TDRD1: variants seen among roughly 807,000 people sequenced by gnomAD.
TDRD1 encodes tudor domain-containing protein 1.
A neutral mutation model predicts 140.6 loss-of-function variants in TDRD1; 37 were observed. The ratio of observed to expected loss-of-function variants is 0.26; its 90% confidence interval spans 0.20 to 0.35. The LOEUF (loss-of-function observed/expected upper bound fraction) is 0.35. Ranked by LOEUF, TDRD1 falls within the 10% of genes least tolerant of loss-of-function variation. TDRD1 has a pLI of 1.00. For missense variants in TDRD1, 1,243 were observed against 1,393.0 expected, an observed-to-expected ratio of 0.89 and a Z score of 1.71; for synonymous variants, 506 against 475.7, an observed-to-expected ratio of 1.06 and a Z score of -0.83.
intron 1 of TDRD1, among the ~76,000 whole-genome samples, chr10:114,184,144 G>A (rs2033327071): frequency 6.6e-6 from 1 of 151,454 alleles, no homozygotes; most frequent in Non-Finnish European, 1.5e-5. Flanking sequence ...CCACTAGGCA[G>A]AAAATGCATA....
intron 4 of TDRD1, 146 bp from the exon 5 acceptor site, chr10:114,201,264 C>T: frequency 3.2e-6 from 2 of 632,350 alleles, no homozygotes; most frequent in Admixed American, 5.6e-5. Flanking sequence ...TCTCTGTATT[C>T]TCAGAGTTTA....
chr10:114,206,355 G>T, intron 11 of TDRD1, 25 bp downstream of exon 11: 1 of 1,582,366 alleles, frequency 6.3e-7, no homozygotes, highest in Non-Finnish European at 8.7e-7. Flanking sequence ...ATATTGAACG[G>T]TATAGCGACT....
intron 17 of TDRD1, 22 bp from the exon 18 acceptor site, chr10:114,218,392 A>G: frequency 2.7e-6 from 4 of 1,489,402 alleles, no homozygotes; most frequent in Non-Finnish European, 3.6e-6. Context: ...GTTCCATGTC[A>G]CAAACTGTGT....
chr10:114,231,579 T>G, exon 26 of TDRD1: 1 of 1,362,316 alleles, frequency 7.3e-7, no homozygotes, highest in Non-Finnish European at 1.0e-6. Flanking sequence ...TTTTTATTTA[T>G]GAGAACCTTT....
chr10:114,217,306 G>C (rs10159905), intron 16 of TDRD1, among the ~76,000 whole-genome samples: 11,986 of 152,112 alleles, frequency 0.079, 480 homozygotes, highest in African/African-American at 0.086. Flanking sequence ...TAATCATGCT[G>C]TAATTGTTTC....
chr10:114,210,541 GA>G (rs1192369234), intron 11 of TDRD1, 39 bp from the exon 12 acceptor site: 1 of 1,519,776 alleles, frequency 6.6e-7, no homozygotes, highest in African/African-American at 1.4e-5. Context: ...TACTTTGGAT[GA>G]AAACAAAATG....
intron 25 of TDRD1, among the ~76,000 whole-genome samples, chr10:114,230,682 A>G (rs1326876266): frequency 6.6e-6 from 1 of 152,246 alleles, no homozygotes; most frequent in Non-Finnish European, 1.5e-5. Context: ...AATAATGTAC[A>G]TGATTGCTTA....
intron 1 of TDRD1, among the ~76,000 whole-genome samples, chr10:114,184,772 ATT>A (rs1564930525): frequency 1.3e-5 from 2 of 152,020 alleles, no homozygotes; most frequent in Non-Finnish European, 2.9e-5. Flanking sequence ...GTTTGCTATC[ATT>A]TCCTTTGTGA....
chr10:114,186,998 A>C (rs557101823), intron 1 of TDRD1, among the ~76,000 whole-genome samples: 3 of 152,320 alleles, frequency 2.0e-5, no homozygotes, highest in Admixed American at 1.3e-4. Context: ...GAGCAAAGCT[A>C]TCAGTCACTA....
In TDRD1 at chr10:114,206,233, T is replaced by C; in HGVS notation, c.1298-11T>C. On this transcript the variant is annotated splice_polypyrimidine_tract_variant and intron_variant, in intron 10 of 25. Coordinates refer to ENST00000251864, the Ensembl canonical transcript of TDRD1. ...TCTCAATGGAGGCATATTTTCTTAATCACTTTTTAGGAAAACTTTTAGACC... is the reference window on the plus strand; with the variant it reads ...TCTCAATGGAGGCATATTTTCTTAACCACTTTTTAGGAAAACTTTTAGACC... The C allele has an allele frequency of 6.2e-7, 1 of 1,605,540 alleles. No homozygotes were observed. Among genetic ancestry groups the C allele is most frequent in the Non-Finnish European group, 8.5e-7 (1 of 1,173,716 alleles).
At chr10:114,218,080 C>A (rs2035924667) in intron 17 of TDRD1, among the ~76,000 whole-genome samples, 1 of 152,074 alleles carries the variant, frequency 6.6e-6, no homozygotes. Flanking sequence ...GCCATTAGTA[C>A]CAAGAGTATT....
chr10:114,229,211 A>C lies in TDRD1; in HGVS notation c.3538+1086A>C, dbSNP rs1198382727. 2.6e-5 allele frequency among the ~76,000 whole-genome samples: 4 copies of C among 152,228 alleles called. No individual in the cohort carries two copies. The East Asian group carries it at 7.7e-4, about 29-fold the overall frequency. Reference sequence around the variant, plus strand: ...GAACTTTGATTTACTTAATATGTGCACTTTTGTTGGTTAACAAATTTATAT... The same window carrying C: ...GAACTTTGATTTACTTAATATGTGCCCTTTTGTTGGTTAACAAATTTATAT... On this transcript the variant is annotated intron_variant, in intron 25 of 25. Transcript: ENST00000251864.
intron 1 of TDRD1, among the ~76,000 whole-genome samples, chr10:114,186,020 T>C (rs1254672014): frequency 1.3e-5 from 2 of 152,250 alleles, no homozygotes; most frequent in Non-Finnish European, 1.5e-5. Flanking sequence ...CCCTGAGTTT[T>C]ATCTAACTAA....
chr10:114,225,971 A>G lies in TDRD1; in HGVS notation c.3008-78A>G, dbSNP rs112133256. The G allele has an allele frequency of 6.7e-5, 83 of 1,246,946 alleles. No homozygotes were observed. The African/African-American group carries it at 8.2e-4, about 12-fold the overall frequency. 77.2% of individuals were successfully genotyped at this position (1,246,946 alleles called of 1,614,324 possible). A position where few individuals can be genotyped will look rare whatever the true frequency, so the allele number is the denominator to read the frequency against. On this transcript the variant is annotated intron_variant, in intron 21 of 25. Transcript: ENST00000251864. Reference sequence around the variant, plus strand: ...GCATGGATTTTTAAGTGATGTAAATATAACTATGAATAGCCATCTTAAAGT... The same window carrying G: ...GCATGGATTTTTAAGTGATGTAAATGTAACTATGAATAGCCATCTTAAAGT...
intron 1 of TDRD1, among the ~76,000 whole-genome samples, chr10:114,180,257 A>G (rs1433500764): frequency 4.6e-5 from 7 of 152,158 alleles, no homozygotes; most frequent in Admixed American, 1.3e-4. Context: ...GTGCTAAGTG[A>G]TTTACTTCGT....
chr10:114,177,933 G>A (rs1457130357), upstream of TDRD1, among the ~76,000 whole-genome samples: 2 of 151,220 alleles, frequency 1.3e-5, no homozygotes, highest in South Asian at 2.1e-4. Flanking sequence ...CCTGGGTGCA[G>A]GCGATTCTCC....
At chr10:114,180,455 A>G (rs1391252058) in intron 1 of TDRD1, among the ~76,000 whole-genome samples, 3 of 152,178 alleles carry the variant, frequency 2.0e-5, no homozygotes, top group African/African-American at 7.2e-5. Flanking sequence ...TTGTCTGTTT[A>G]AAACCGGAGT....
chr10:114,192,067 A>T (rs914403315), intron 3 of TDRD1, among the ~76,000 whole-genome samples: 25 of 137,258 alleles, frequency 1.8e-4, no homozygotes, highest in Admixed American at 1.4e-3. Flanking sequence ...TTTTTTTTTT[A>T]CCGTTGTTTT....
At chr10:114,178,844 A>C (rs1355819141), upstream of TDRD1, among the ~76,000 whole-genome samples, 1 of 150,784 alleles carries the variant, frequency 6.6e-6, no homozygotes, top group East Asian at 1.9e-4. Context: ...TTCCCTTATG[A>C]AATTGTTAGA....
Sources: allele counts gnomAD v4.1 joint callset (sites outside exome capture counted in the v4.1 genomes callset), GRCh38; gene constraint gnomAD v4.1.1; transcripts MANE v1.5; gene names NCBI Gene and HGNC (gene_info 2026-07-23, HGNC 2026-07-21).